The following WRNIP1 variants were observed in gnomAD, a reference collection of about 807,000 sequenced individuals.
WRNIP1 encodes WRN helicase interacting protein 1, also known as ATPase WRNIP1.
WRNIP1 carries 41 observed loss-of-function variants against 56.1 expected under a neutral mutation model. The ratio of observed to expected loss-of-function variants is 0.73; its 90% CI spans 0.57 to 0.95. The LOEUF (loss-of-function observed/expected upper bound fraction) is 0.95, where lower values mean the gene tolerates loss of function less well. WRNIP1 is among the 40% of genes least tolerant of loss of function. The pLI, the probability that WRNIP1 is intolerant of heterozygous loss-of-function variation, is 0.00. For synonymous variants in WRNIP1, 547 were observed against 398.1 expected (o/e 1.37, Z -4.45); for missense variants, 1,170 against 939.4 (o/e 1.25, Z -3.21).
rs550876434 is a variant in WRNIP1 at position 2,765,782 on chromosome 6, T to G, written c.160T>G (p.Ser54Ala). 1 of 1,438,314 alleles carries G rather than the reference T, an allele frequency of 7.0e-7. No homozygotes were observed. The highest frequency in any genetic ancestry group is 9.1e-7 in the Non-Finnish European group (1 of 1,097,304). The allele number at this position is 1,438,314 out of a possible 1,614,324, so 89.1% of individuals were successfully genotyped here. ...PAGHAEPAAGSHRAGERAKGP... is the reference protein window; with the variant it reads ...PAGHAEPAAGAHRAGERAKGP... ...GGGGCACGCGGAGCCCGCGGCCGGG[T>G]CGCACCGCGCCGGGGAGCGGGCCAA... Residue 54 changes from serine (S) to alanine (A), a missense_variant, in exon 1 of 7, where the codon TCG becomes GCG. Physicochemically the swap from Ser to Ala is moderately conservative, Grantham distance 99. Transcript: ENST00000380773.
intron 4 of WRNIP1, among the ~76,000 whole-genome samples, chr6:2,781,126 GC>G (rs1324851547): frequency 6.6e-5 from 10 of 152,194 alleles, no homozygotes; most frequent in African/African-American, 2.4e-4. Context: ...ATTACATCAT[GC>G]TCCTGAGAGG....
At position 2,765,993 on chromosome 6, in the gene WRNIP1, C is replaced by T. The variant is rs1353053794; in HGVS notation, c.371C>T (p.Pro124Leu). 9 of 1,383,738 alleles carry T rather than the reference C, an allele frequency of 6.5e-6. No individual in the cohort carries two copies. Among genetic ancestry groups the T allele is most frequent in the African/African-American group, 4.5e-5 (3 of 66,504 alleles). 85.7% of individuals were successfully genotyped at this position (1,383,738 alleles called of 1,614,324 possible). A position where few individuals can be genotyped will look rare whatever the true frequency, so the allele number is the denominator to read the frequency against. ...ACACCCAGCGGCGCCCGCCTTATCCCCGACTTCCCGGTGGCCCGCTCCAGC... is the reference window on the plus strand; with the variant it reads ...ACACCCAGCGGCGCCCGCCTTATCCTCGACTTCCCGGTGGCCCGCTCCAGC... ...PPTPSGARLI[P>L]DFPVARSSSP... The change falls in exon 1 of 7, where the codon CCC becomes CTC. Residue 124 changes from proline to leucine, a missense_variant. Transcript: ENST00000380773.
chr6:2,782,788 T>C (rs1765593933), intron 4 of WRNIP1, among the ~76,000 whole-genome samples: 1 of 152,118 alleles, frequency 6.6e-6, no homozygotes, highest in African/African-American at 2.4e-5. Flanking sequence ...GACCAGGCGG[T>C]GAGAGAGTGG....
At chr6:2,776,944 C>T (rs1429900141) in intron 3 of WRNIP1, among the ~76,000 whole-genome samples, 2 of 152,102 alleles carry the variant, frequency 1.3e-5, no homozygotes, top group South Asian at 2.1e-4. Context: ...TAAATGTTGA[C>T]AGGTCTGAGT....
At chr6:2,776,564 G>A (rs559688501) in intron 3 of WRNIP1, among the ~76,000 whole-genome samples, 5 of 152,330 alleles carry the variant, frequency 3.3e-5, no homozygotes, top group African/African-American at 9.6e-5. Context: ...GAGTTTAAAA[G>A]CCAAAGGAAG....
intron 5 of WRNIP1, 136 bp from the exon 6 acceptor site, chr6:2,784,188 G>A (rs1470663172): frequency 1.5e-6 from 1 of 676,282 alleles, no homozygotes; most frequent in African/African-American, 1.8e-5. Context: ...CTAGAGCTAA[G>A]TCAGGCTGTT....
intron 3 of WRNIP1, among the ~76,000 whole-genome samples, chr6:2,771,339 A>G (rs1223215386): frequency 1.3e-5 from 2 of 152,234 alleles, no homozygotes; most frequent in African/African-American, 2.4e-5. Flanking sequence ...TAATGAAAGC[A>G]TTGAAACATT....
At position 2,785,272 on chromosome 6, in the gene WRNIP1, G is replaced by A. The variant is rs1210265500; in HGVS notation, c.1988G>A (p.Arg663Lys). The change falls in exon 7 of 7, where the codon AGG becomes AAG. Residue 663 changes from arginine to lysine, a missense_variant. Coordinates refer to ENST00000380773, the MANE Select transcript of WRNIP1 (RefSeq NM_020135.3). ...AGGGGGGTAGATTTCTTCAAGCAGA[G>A]GAGGTGCTGACTCCTCAGGGCACGA... ...ELRGVDFFKQ[R>K]RC 4 of 1,613,658 alleles carry A rather than the reference G, an allele frequency of 2.5e-6. No individual in the cohort carries two copies. Among genetic ancestry groups the A allele is most frequent in the Non-Finnish European group, 3.4e-6 (4 of 1,179,730 alleles).
Position 2,765,482 on chromosome 6 carries a change from CCCT to C in WRNIP1, c.-135_-133del. 1.8e-6 allele frequency: 2 copies of C among 1,101,298 alleles called. No homozygotes were observed. Among genetic ancestry groups the C allele is most frequent in the South Asian group, 6.4e-5 (2 of 31,454 alleles). The allele number at this position is 1,101,298 out of a possible 1,614,324, so 68.2% of individuals were successfully genotyped here. On this transcript the variant is annotated 5_prime_UTR_variant, in exon 1 of 7. Transcript: ENST00000380773. The stretch of plus-strand genomic sequence containing the variant: ...CTGCGGACGTGAGGCATGAGCGGCG[CCCT>C]CCTCCGGCCCGCGAGCGTCCTGCTG...
intron 4 of WRNIP1, among the ~76,000 whole-genome samples, chr6:2,782,056 A>G (rs1765573595): frequency 6.6e-6 from 1 of 152,206 alleles, no homozygotes; most frequent in Non-Finnish European, 1.5e-5. Context: ...AATTTGACAT[A>G]AAGTGGTGTG....
At chr6:2,783,339 G>T in intron 4 of WRNIP1, 67 bp from the exon 5 acceptor site, 1 of 1,460,190 alleles carries the variant, frequency 6.8e-7, no homozygotes, top group Non-Finnish European at 9.1e-7. Flanking sequence ...GTCAGCTGGC[G>T]GAGGTGAAGA....
In WRNIP1 at chr6:2,768,779, A is replaced by T; in HGVS notation, c.911A>T (p.Asp304Val). The T allele has an allele frequency of 6.2e-7, 1 of 1,614,050 alleles. No individual in the cohort carries two copies. The highest frequency in any genetic ancestry group is 1.7e-5 in the Admixed American group (1 of 60,010). ...TCTGCAACAAATGCCAAGACAAATGATGTGCGAGATGTCATAAAACAAGCT... is the reference window on the plus strand; with the variant it reads ...TCTGCAACAAATGCCAAGACAAATGTTGTGCGAGATGTCATAAAACAAGCT... ...TLSATNAKTN[D>V]VRDVIKQAQN... The change falls in exon 2 of 7, where the codon GAT becomes GTT. Residue 304 changes from aspartate (D) to valine (V), a missense_variant. Coordinates refer to ENST00000380773, the MANE Select transcript of WRNIP1 (RefSeq NM_020135.3).
In WRNIP1 at chr6:2,785,207, C is replaced by T; in HGVS notation, c.1923C>T (p.Tyr641=). The part of the protein sequence containing the change: ...YGKGYKYNPM[Y]SEPVDQEYLP... ...AAGGCTACAAGTACAACCCCATGTA[C>T]AGCGAGCCTGTGGATCAGGAGTACC... Residue 641 remains tyrosine (Y), a synonymous_variant, in exon 7 of 7, where the codon TAC becomes TAT. Transcript: ENST00000380773. 6.2e-7 allele frequency: 1 copy of T among 1,614,170 alleles called. No individual in the cohort carries two copies. Among genetic ancestry groups the T allele is most frequent in the Non-Finnish European group, 8.5e-7 (1 of 1,180,036 alleles).
Position 2,784,338 on chromosome 6 carries a change from T to G in WRNIP1, c.1657T>G (p.Ser553Ala), listed in dbSNP as rs1366472355. 5 of 1,613,732 alleles carry G rather than the reference T, an allele frequency of 3.1e-6. No homozygotes were observed. Among genetic ancestry groups the G allele is most frequent in the African/African-American group, 1.3e-5 (1 of 74,942 alleles). The change falls in exon 6 of 7, where the codon TCT becomes GCT. Residue 553 changes from serine to alanine, a missense_variant. Ser to Ala is a moderately conservative substitution (Grantham distance 99). Coordinates refer to ENST00000380773, the MANE Select transcript of WRNIP1 (RefSeq NM_020135.3). Reference sequence around the variant, plus strand: ...GTGTGTGGCAGGTCTGGCAGACCCGTCTGCGTTAACACAAGCGGTTGCTGC... The same window carrying G: ...GTGTGTGGCAGGTCTGGCAGACCCGGCTGCGTTAACACAAGCGGTTGCTGC... The part of the protein sequence containing the change: ...ASEDIGLADP[S>A]ALTQAVAAYQ...
At chr6:2,774,369 G>A in intron 3 of WRNIP1, 1 of 811,340 alleles carries the variant, frequency 1.2e-6, no homozygotes, top group Non-Finnish European at 1.5e-6. Flanking sequence ...CCAGAATCAA[G>A]GTATCAACAA....
In WRNIP1 at chr6:2,765,479, G is replaced by A; in HGVS notation, c.-144G>A. ...GAGCTGCGGACGTGAGGCATGAGCG[G>A]CGCCCTCCTCCGGCCCGCGAGCGTC... is the stretch of plus-strand genomic sequence containing the variant. On this transcript the variant is annotated 5_prime_UTR_variant, in exon 1 of 7. Transcript: ENST00000380773. The A allele has an allele frequency of 9.3e-7, 1 of 1,070,192 alleles. No homozygotes were observed. The highest frequency in any genetic ancestry group is 1.2e-6 in the Non-Finnish European group (1 of 838,986). The allele number at this position is 1,070,192 out of a possible 1,614,324, so 66.3% of individuals were successfully genotyped here. A position where few individuals can be genotyped will look rare whatever the true frequency, so the allele number is the denominator to read the frequency against.
chr6:2,770,222 C>T lies in WRNIP1; in HGVS notation c.1117C>T (p.Arg373Ter), dbSNP rs763073963. ...CAACGCTGCTCTTCTGAGCCGCTGTCGAGTGATTGTTCTTGAGAAGCTTCC... is the reference window on the plus strand; with the variant it reads ...CAACGCTGCTCTTCTGAGCCGCTGTTGAGTGATTGTTCTTGAGAAGCTTCC... ...QVNAALLSRC[R>*]VIVLEKLPVE... The change falls in exon 3 of 7, where the codon CGA becomes TGA. Residue 373 changes from arginine (R) to a stop codon, truncating the protein, a stop_gained. Transcript: ENST00000380773. LOFTEE classifies it high-confidence loss of function. 7 of 1,614,050 alleles carry T rather than the reference C, an allele frequency of 4.3e-6. No individual in the cohort carries two copies. The African/African-American group carries it at 5.3e-5, about 12-fold the overall frequency.
chr6:2,774,025 A>G, intron 3 of WRNIP1: 1 of 985,396 alleles, frequency 1.0e-6, no homozygotes, highest in Non-Finnish European at 1.2e-6. Context: ...TCTTTTTATA[A>G]AAGTTTAAAG....
intron 3 of WRNIP1, chr6:2,774,231 G>A (rs1765380143): frequency 2.0e-6 from 2 of 985,384 alleles, no homozygotes; most frequent in Non-Finnish European, 2.4e-6. Context: ...TGCCATAAAA[G>A]CACCAGCAGC....
Sources: allele counts gnomAD v4.1 joint callset (sites outside exome capture counted in the v4.1 genomes callset), GRCh38; gene constraint gnomAD v4.1.1; transcripts MANE v1.5; gene names NCBI Gene and HGNC (gene_info 2026-07-23, HGNC 2026-07-21).